ARHGEF28: variants seen among roughly 807,000 people sequenced by gnomAD.
The protein encoded by ARHGEF28 is 190 kDa guanine nucleotide exchange factor.
In ARHGEF28, 152 loss-of-function variants were observed where a neutral mutation model predicts 206.6. The observed-to-expected ratio is 0.74, with a 90% confidence interval of 0.64 to 0.84. The LOEUF is 0.84. ARHGEF28 is among the 40% of genes least tolerant of loss of function. The pLI is 0.00. For missense variants in ARHGEF28, 2,028 were observed against 2,073.2 expected (o/e 0.98, Z 0.42); for synonymous variants, 763 against 776.4 (o/e 0.98, Z 0.29).
At chr5:73,899,754 T>C (rs889648873) in intron 30 of ARHGEF28, 17 of 152,250 alleles carry the variant, frequency 1.1e-4, no homozygotes, top group African/African-American at 4.1e-4. Context: ...AGCAGACAGC[T>C]CTATTTTCAG....
intron 35 of ARHGEF28, among the ~76,000 whole-genome samples, chr5:73,932,800 CT>C (rs386404110): frequency 2.4e-3 from 175 of 73,416 alleles, no homozygotes; most frequent in African/African-American, 7.4e-3. Context: ...TTTCCTATTT[CT>C]TTTTTTTTTT....
chr5:73,700,630 C>T (rs921681996), intron 2 of ARHGEF28, among the ~76,000 whole-genome samples: 1 of 152,092 alleles, frequency 6.6e-6, no homozygotes, highest in Non-Finnish European at 1.5e-5. Context: ...AGAGAAGCTT[C>T]TGAATATTCT....
At chr5:73,830,381 G>A (rs781723188) in intron 9 of ARHGEF28, among the ~76,000 whole-genome samples, 5 of 151,794 alleles carry the variant, frequency 3.3e-5, no homozygotes, top group Non-Finnish European at 4.4e-5. Context: ...GTGAAACCCC[G>A]TCTCTACTGA....
chr5:73,725,127 A>G (rs1200579417), intron 2 of ARHGEF28, among the ~76,000 whole-genome samples: 1 of 152,192 alleles, frequency 6.6e-6, no homozygotes, highest in Non-Finnish European at 1.5e-5. Flanking sequence ...CTATTTACCA[A>G]TTGTTTGGTG....
rs376202502 is a variant in ARHGEF28, at chr5:73,807,968, G to C, written c.1024+12577G>C. The stretch of plus-strand genomic sequence containing the variant: ...TATCATATATCAGTAACTTCTTCTA[G>C]CTGGGCTTCTAGGTGATATTCATTT... On this transcript the variant is annotated intron_variant, in intron 9 of 35. Coordinates refer to ENST00000513042, the MANE Select transcript of ARHGEF28 (RefSeq NM_001177693.2). Among the ~76,000 whole-genome samples the C allele has an allele frequency of 2.0e-5, 3 of 151,848 alleles. No individual in the cohort carries two copies. The East Asian group carries it at 5.8e-4, about 29-fold the overall frequency.
At chr5:73,699,506 A>G (rs1298299034) in intron 2 of ARHGEF28, among the ~76,000 whole-genome samples, 1 of 152,200 alleles carries the variant, frequency 6.6e-6, no homozygotes. Flanking sequence ...GTTGCCTTTT[A>G]TAAAGTTGCC....
chr5:73,859,808 G>A (rs1177860268), intron 16 of ARHGEF28, among the ~76,000 whole-genome samples: 1 of 152,032 alleles, frequency 6.6e-6, no homozygotes, highest in Non-Finnish European at 1.5e-5. Context: ...TGAGCCCTTC[G>A]ATGCATCCCT....
chr5:73,633,553 A>G (rs1334767472), intron 1 of ARHGEF28, among the ~76,000 whole-genome samples: 1 of 151,678 alleles, frequency 6.6e-6, no homozygotes, highest in African/African-American at 2.4e-5. Flanking sequence ...ATAACTCCTC[A>G]ATAAACAATA....
chr5:73,800,991 G>A (rs1755094866), intron 9 of ARHGEF28, among the ~76,000 whole-genome samples: 1 of 151,370 alleles, frequency 6.6e-6, no homozygotes, highest in African/African-American at 2.5e-5. Flanking sequence ...GGGGGAAATG[G>A]TGCAGTCAAT....
In ARHGEF28 at chr5:73,849,781, C is replaced by T. The variant is rs1758586550; in HGVS notation, c.1747+694C>T. On this transcript the variant is annotated intron_variant, in intron 13 of 35. Transcript: ENST00000513042. Reference sequence around the variant, plus strand: ...CTCTAAGCCACTCCTCCCATTTTCACCTGCCCCCATTTTGAAATGTAATTA... The same window carrying T: ...CTCTAAGCCACTCCTCCCATTTTCATCTGCCCCCATTTTGAAATGTAATTA... Among the ~76,000 whole-genome samples the T allele has an allele frequency of 2.0e-5, 3 of 152,064 alleles. No homozygotes were observed. The South Asian group carries it at 6.2e-4, about 32-fold the overall frequency.
rs1580016405 is a variant in ARHGEF28, at chr5:73,873,118, T to C, written c.2686T>C (p.Cys896Arg). The C allele has an allele frequency of 6.2e-7, 1 of 1,612,968 alleles. No homozygotes were observed. Among genetic ancestry groups the C allele is most frequent in the Non-Finnish European group, 8.5e-7 (1 of 1,179,526 alleles). ...DHSTVDKIFP[C>R]LDELLEIHRH... ...CAGCACCGTGGATAAAATTTTCCCCTGTTTAGATGAGTTGCTTGAAATCCA... is the reference window on the plus strand; with the variant it reads ...CAGCACCGTGGATAAAATTTTCCCCCGTTTAGATGAGTTGCTTGAAATCCA... The change falls in exon 22 of 36, where the codon TGT (cysteine) becomes CGT (arginine). Residue 896 changes from cysteine (C) to arginine (R), a missense_variant. Physicochemically the swap from Cys to Arg is radical, Grantham distance 180. Coordinates refer to ENST00000513042, the MANE Select transcript of ARHGEF28 (RefSeq NM_001177693.2).
chr5:73,746,366 A>G (rs191095665), intron 2 of ARHGEF28, among the ~76,000 whole-genome samples: 2 of 152,240 alleles, frequency 1.3e-5, no homozygotes, highest in African/African-American at 4.8e-5. Flanking sequence ...GATTGTAACA[A>G]TGTAGAAAAA....
At chr5:73,786,596 G>A (rs1486000826) in intron 7 of ARHGEF28, 1 of 152,158 alleles carries the variant, frequency 6.6e-6, no homozygotes, top group East Asian at 1.9e-4. Flanking sequence ...CCAGTAATAA[G>A]CTGACTTTGC....
intron 2 of ARHGEF28, among the ~76,000 whole-genome samples, chr5:73,729,537 A>G (rs1750482088): frequency 6.6e-6 from 1 of 152,052 alleles, no homozygotes; most frequent in Non-Finnish European, 1.5e-5. Flanking sequence ...CATTCTTTAG[A>G]TTTTCTGTTT....
Position 73,867,919 on chromosome 5 carries a change from C to T in ARHGEF28, c.2196C>T (p.His732=), listed in dbSNP as rs982096835. 3 of 1,614,022 alleles carry T rather than the reference C, an allele frequency of 1.9e-6. No homozygotes were observed. Among genetic ancestry groups the T allele is most frequent in the Non-Finnish European group, 2.5e-6 (3 of 1,179,886 alleles). The change falls in exon 19 of 36, where the codon CAC becomes CAT. Residue 732 remains histidine (H), a synonymous_variant. Coordinates refer to ENST00000513042, the MANE Select transcript of ARHGEF28 (RefSeq NM_001177693.2). ...TCCCACAGCCTGGTCTCTCCTTGCACCCTTCTTCCTCCGTGCCTGTTGGAT... is the reference window on the plus strand; with the variant it reads ...TCCCACAGCCTGGTCTCTCCTTGCATCCTTCTTCCTCCGTGCCTGTTGGAT... The part of the protein sequence containing the change: ...RDIPQPGLSL[H]PSSSVPVGLP...
chr5:73,642,584 A>G (rs1744185625), intron 1 of ARHGEF28, among the ~76,000 whole-genome samples: 1 of 152,058 alleles, frequency 6.6e-6, no homozygotes, highest in African/African-American at 2.4e-5. Flanking sequence ...GGTCACTCCC[A>G]AGGATTACCC....
At chr5:73,922,795 A>G (rs1763590917) in intron 35 of ARHGEF28, among the ~76,000 whole-genome samples, 1 of 152,146 alleles carries the variant, frequency 6.6e-6, no homozygotes, top group Non-Finnish European at 1.5e-5. Flanking sequence ...TCCAATGAGT[A>G]GTTTAAACTT....
At chr5:73,932,173 T>C (rs1370512021) in intron 35 of ARHGEF28, among the ~76,000 whole-genome samples, 2 of 152,240 alleles carry the variant, frequency 1.3e-5, no homozygotes, top group Non-Finnish European at 2.9e-5. Flanking sequence ...TACTAAAGTT[T>C]GTAAACTACT....
At chr5:73,786,185 A>G (rs1754145808) in intron 7 of ARHGEF28, 1 of 152,238 alleles carries the variant, frequency 6.6e-6, no homozygotes, top group Non-Finnish European at 1.5e-5. Context: ...ACTGGTCACA[A>G]CCTGAGTTAA....
Sources: allele counts gnomAD v4.1 joint callset (sites outside exome capture counted in the v4.1 genomes callset), GRCh38; gene constraint gnomAD v4.1.1; transcripts MANE v1.5; gene names NCBI Gene and HGNC (gene_info 2026-07-23, HGNC 2026-07-21).